HPSE2: variants seen among roughly 807,000 people sequenced by gnomAD.
HPSE2 encodes inactive heparanase-2.
In HPSE2, 38 loss-of-function variants were observed where a neutral mutation model predicts 60.5. The observed-to-expected ratio is 0.63, with a 90% CI of 0.48 to 0.82. The LOEUF is 0.82. Ranked by LOEUF, HPSE2 falls within the 40% of genes least tolerant of loss-of-function variation. The pLI, the probability that HPSE2 is intolerant of heterozygous loss-of-function variation, is 0.00. For synonymous variants in HPSE2, 295 were observed against 293.2 expected, an observed-to-expected ratio of 1.01 and a Z score of -0.06; for missense variants, 713 against 740.4, an observed-to-expected ratio of 0.96 and a Z score of 0.43.
At chr10:98,542,025 GTCCCTGA>G (rs1372953557) in intron 9 of HPSE2, among the ~76,000 whole-genome samples, 2 of 45,996 alleles carry the variant, frequency 4.3e-5, no homozygotes, top group Non-Finnish European at 6.2e-5. Flanking sequence ...CCTCAAGTGG[GTCCCTGA>G]CCCCTGACCC....
intron 7 of HPSE2, among the ~76,000 whole-genome samples, chr10:98,633,504 C>T (rs550510402): frequency 7.9e-5 from 12 of 152,252 alleles, no homozygotes; most frequent in East Asian, 3.9e-4. Context: ...TGAGCTGCCA[C>T]GCCCAGCCCA....
intron 9 of HPSE2, among the ~76,000 whole-genome samples, chr10:98,521,154 C>T (rs1942778400): frequency 6.6e-6 from 1 of 152,138 alleles, no homozygotes; most frequent in Non-Finnish European, 1.5e-5. Flanking sequence ...TCTGATTAAA[C>T]TAAAGAGCTT....
At chr10:98,937,443 A>C (rs4540776) in intron 3 of HPSE2, among the ~76,000 whole-genome samples, 99,621 of 143,192 alleles carry the variant, frequency 0.7, 39,387 homozygotes, top group East Asian at 0.84. Context: ...TATCCCGCAC[A>C]TGGCTTGGAG....
At chr10:98,622,503 T>C (rs750862609) in intron 7 of HPSE2, among the ~76,000 whole-genome samples, 17 of 152,226 alleles carry the variant, frequency 1.1e-4, no homozygotes, top group East Asian at 5.8e-4. Context: ...CATGGGTACA[T>C]AGACATCAAC....
At chr10:98,703,240 T>C (rs983245718) in intron 5 of HPSE2, among the ~76,000 whole-genome samples, 6 of 152,102 alleles carry the variant, frequency 3.9e-5, no homozygotes, top group African/African-American at 4.8e-5. Context: ...CAGGAAGAAG[T>C]TGAATCCCTG....
At chr10:99,281,887 C>A in the HPSE2 span, among the ~76,000 whole-genome samples, 1 of 151,908 alleles carries the variant, frequency 6.6e-6, no homozygotes, top group African/African-American at 2.4e-5. Flanking sequence ...AAACTATATC[C>A]CATGCAAACA....
the HPSE2 span, among the ~76,000 whole-genome samples, chr10:99,298,444 A>C: frequency 6.6e-6 from 1 of 152,250 alleles, no homozygotes; most frequent in Non-Finnish European, 1.5e-5. Flanking sequence ...GCAACCCAAA[A>C]GCCTTGCCAC....
At chr10:98,583,041 G>C (rs1589452988) in intron 9 of HPSE2, among the ~76,000 whole-genome samples, 1 of 152,118 alleles carries the variant, frequency 6.6e-6, no homozygotes, top group Admixed American at 6.5e-5. Flanking sequence ...GGGGGGCATA[G>C]GGAAGCAGGT....
intron 9 of HPSE2, among the ~76,000 whole-genome samples, chr10:98,590,163 C>T (rs1945048967): frequency 6.6e-6 from 1 of 152,242 alleles, no homozygotes; most frequent in Non-Finnish European, 1.5e-5. Flanking sequence ...TAACTTTCGC[C>T]CAGGCGTGGT....
At position 98,461,801 on chromosome 10, in the gene HPSE2, G is replaced by A. The variant is rs746160635; in HGVS notation, c.1614-2062C>T. 1.5e-5 allele frequency: 24 copies of A among 1,596,120 alleles called. No individual in the cohort carries two copies. The South Asian group carries it at 2.4e-4, about 16-fold the overall frequency. On this transcript the variant is annotated intron_variant, in intron 11 of 11. Transcript: ENST00000370552. Reference sequence around the variant, plus strand: ...CCTTTTAGATTCAGATGATCCCACAGTATTGACATCTTTGGGTTCTGGGGA... The same window carrying A: ...CCTTTTAGATTCAGATGATCCCACAATATTGACATCTTTGGGTTCTGGGGA...
intron 3 of HPSE2, among the ~76,000 whole-genome samples, chr10:98,752,217 A>C (rs11189800): frequency 0.038 from 5,762 of 152,306 alleles, 239 homozygotes; most frequent in East Asian, 0.17. Context: ...TGACTGTGAC[A>C]AAGACACATT....
At chr10:98,551,524 G>A (rs553039865) in intron 9 of HPSE2, among the ~76,000 whole-genome samples, 2 of 152,082 alleles carry the variant, frequency 1.3e-5, no homozygotes, top group Non-Finnish European at 2.9e-5. Context: ...AGTATGATCC[G>A]AACTAAGCCA....
chr10:99,144,327 A>G lies in HPSE2; in HGVS notation c.521T>C (p.Leu174Pro), dbSNP rs1159451933. 1 of 1,614,034 alleles carries G rather than the reference A, an allele frequency of 6.2e-7. No individual in the cohort carries two copies. Among genetic ancestry groups the G allele is most frequent in the Non-Finnish European group, 8.5e-7 (1 of 1,180,032 alleles). ...CKIAQHPDVM[L>P]ELQREKAAQM... ...AGCTGCCTTCTCCCTTTGGAGCTCCAGCATAACATCAGGGTGCTGGGCAAT... is the reference window on the plus strand; with the variant it reads ...AGCTGCCTTCTCCCTTTGGAGCTCCGGCATAACATCAGGGTGCTGGGCAAT... The change falls in exon 3 of 12, where the codon CTG (leucine) becomes CCG (proline). Residue 174 changes from leucine (L) to proline (P), a missense_variant. Physicochemically the swap from Leu to Pro is moderately conservative, Grantham distance 98. Transcript: ENST00000370552.
chr10:98,459,048 T>C lies in HPSE2; in HGVS notation c.*526A>G, dbSNP rs903650495. ...AGCAGGCCAGGGCTGACACACCCAT[T>C]ACTCCCCTATGGAAAGAGATGTGTC... is the stretch of plus-strand genomic sequence containing the variant. On this transcript the variant is annotated 3_prime_UTR_variant, in exon 12 of 12. Transcript: ENST00000370552. The C allele has an allele frequency of 1.0e-5, 2 of 191,132 alleles. No individual in the cohort carries two copies. Among genetic ancestry groups the C allele is most frequent in the African/African-American group, 4.7e-5 (2 of 42,984 alleles). 11.8% of individuals were successfully genotyped at this position (191,132 alleles called of 1,614,324 possible).
intron 3 of HPSE2, among the ~76,000 whole-genome samples, chr10:98,954,599 T>C (rs1955456252): frequency 6.6e-6 from 1 of 152,178 alleles, no homozygotes; most frequent in Admixed American, 6.5e-5. Context: ...TTAATGTGTT[T>C]TTCTTTGTGG....
chr10:99,219,751 A>T (rs1663029962), intron 2 of HPSE2, among the ~76,000 whole-genome samples: 1 of 152,238 alleles, frequency 6.6e-6, no homozygotes, highest in Admixed American at 6.5e-5. Context: ...AGTTTTTACA[A>T]TCTTTAAATA....
intron 3 of HPSE2, among the ~76,000 whole-genome samples, chr10:98,914,347 T>G (rs1271388551): frequency 7.9e-5 from 12 of 152,204 alleles, no homozygotes. Flanking sequence ...TGAAACCTCT[T>G]TCTTTTGTAA....
chr10:99,019,140 G>A (rs911390227), intron 3 of HPSE2, among the ~76,000 whole-genome samples: 1 of 152,186 alleles, frequency 6.6e-6, no homozygotes, highest in Non-Finnish European at 1.5e-5. Flanking sequence ...AAGGTGACAG[G>A]AAATGGGCTT....
intron 3 of HPSE2, among the ~76,000 whole-genome samples, chr10:98,816,791 TC>T (rs1951300569): frequency 6.6e-6 from 1 of 152,234 alleles, no homozygotes; most frequent in African/African-American, 2.4e-5. Flanking sequence ...TTCAGGGCTG[TC>T]CTGAGGTAGT....
Sources: allele counts gnomAD v4.1 joint callset (sites outside exome capture counted in the v4.1 genomes callset), GRCh38; gene constraint gnomAD v4.1.1; transcripts MANE v1.5; gene names NCBI Gene and HGNC (gene_info 2026-07-23, HGNC 2026-07-21).